The following CLCN7 variants were observed in gnomAD, a reference collection of about 807,000 sequenced individuals.
The protein encoded by CLCN7 is Cl-/H+ antiporter 7.
Under a neutral mutation model 102.1 loss-of-function variants are expected in CLCN7, and 60 were observed. The observed-to-expected ratio is 0.59, with a 90% CI of 0.48 to 0.73. The LOEUF is 0.73. Ranked by LOEUF, CLCN7 falls within the 30% of genes least tolerant of loss-of-function variation. CLCN7 has a pLI of 0.00. For synonymous variants in CLCN7, 560 were observed against 490.5 expected (o/e 1.14, Z -1.87); for missense variants, 962 against 1,125.7 (o/e 0.85, Z 2.08).
rs1339979454 is a variant in CLCN7 at position 1,446,685 on chromosome 16, G to A, written c.2364C>T (p.Ala788=). ...AGCCTCTCTTTCCCAGGCGGTACCTGGCGAGGTCCTTCCTGGTCACCAACC... is the reference window on the plus strand; with the variant it reads ...AGCCTCTCTTTCCCAGGCGGTACCTAGCGAGGTCCTTCCTGGTCACCAACC... ...VVGLVTRKDL[A]RYRLGKRGLE... Residue 788 remains alanine (A), a synonymous_variant, in exon 25 of 25, where the codon GCC becomes GCT. Coordinates refer to ENST00000382745, the MANE Select transcript of CLCN7 (RefSeq NM_001287.6). 2 of 1,590,606 alleles carry A rather than the reference G, an allele frequency of 1.3e-6. No homozygotes were observed. The highest frequency in any genetic ancestry group is 1.7e-5 in the Admixed American group (1 of 57,938).
rs34158222 is a variant in CLCN7 at position 1,455,369 on chromosome 16, G to A, written c.982-119C>T. On this transcript the variant is annotated intron_variant, in intron 11 of 24. Transcript: ENST00000382745. ...CCGGGGCCAGGAGTCTGCAGACCCC[G>A]CCCAAGGCAGAAGGGAAGGGGCTGG... 0.083 allele frequency: 66,006 copies of A among 792,098 alleles called. 3,260 individuals carry two copies. Among genetic ancestry groups the A allele is most frequent in the African/African-American group, 0.12 (7,063 of 59,386 alleles). 49.1% of individuals were successfully genotyped at this position (792,098 alleles called of 1,614,324 possible).
Position 1,474,878 on chromosome 16 carries a change from C to A in CLCN7, c.97G>T (p.Gly33Trp), listed in dbSNP as rs1360681293. Residue 33 changes from glycine to tryptophan, a missense_variant, in exon 1 of 25, where the codon GGG (glycine) becomes TGG (tryptophan). By Grantham distance (184) the Gly-to-Trp change is radical. This residue lies in a region of CLCN7 where 163 missense variants were observed against 137.7 expected (regional missense o/e 1.18). Coordinates refer to ENST00000382745, the MANE Select transcript of CLCN7 (RefSeq NM_001287.6). ...CCAGCCCCGTTCAGCAGCGGCGTCC[C>A]CCCGCCGGGCCGCGCCGTCCTCCGC... is the stretch of plus-strand genomic sequence containing the variant. ...LLRRTARPGG[G>W]TPLLNGAGPG... 2.8e-5 allele frequency: 41 copies of A among 1,446,480 alleles called. No individual in the cohort carries two copies. Among genetic ancestry groups the A allele is most frequent in the Non-Finnish European group, 3.4e-5 (38 of 1,101,888 alleles). 89.6% of individuals were successfully genotyped at this position (1,446,480 alleles called of 1,614,324 possible).
Position 1,463,701 on chromosome 16 carries a change from C to A in CLCN7, c.213+1566G>T, listed in dbSNP as rs565452265. Among the ~76,000 whole-genome samples, 15 of 151,904 alleles carry A rather than the reference C, an allele frequency of 9.9e-5. 2 individuals carry two copies. In the South Asian group the frequency reaches 3.1e-3, roughly 32 times the overall value. On this transcript the variant is annotated intron_variant, in intron 2 of 24. Coordinates refer to ENST00000382745, the MANE Select transcript of CLCN7 (RefSeq NM_001287.6). ...GTCTCACTGTGTTGTCTAGGCTGAT[C>A]TCCAAATCCTGGGCTGCAGCCTTGG... is the stretch of plus-strand genomic sequence containing the variant.
chr16:1,467,904 G>C (rs1253996385), intron 1 of CLCN7: 1 of 152,228 alleles, frequency 6.6e-6, no homozygotes, highest in African/African-American at 2.4e-5. Flanking sequence ...GGACAACGTA[G>C]TGAGACCCTG....
At chr16:1,452,397 C>T (rs911590498) in intron 15 of CLCN7, 25 of 329,042 alleles carry the variant, frequency 7.6e-5, no homozygotes, top group African/African-American at 4.4e-4. Context: ...GGCGGTGAGC[C>T]GTGAGCGCCA....
intron 1 of CLCN7, among the ~76,000 whole-genome samples, chr16:1,470,466 C>G (rs909837275): frequency 1.3e-5 from 2 of 152,164 alleles, no homozygotes; most frequent in Non-Finnish European, 1.5e-5. Flanking sequence ...GCAGCTGCCC[C>G]GCGGGGGGAT....
Position 1,449,411 on chromosome 16 carries a change from A to G in CLCN7, c.1618-84T>C, listed in dbSNP as rs531654957. The G allele has an allele frequency of 5.7e-5, 76 of 1,330,372 alleles. 1 individual carries two copies. The highest frequency in any genetic ancestry group is 5.0e-4 in the East Asian group (20 of 40,008). 82.4% of individuals were successfully genotyped at this position (1,330,372 alleles called of 1,614,324 possible). ...TACACAGACGGAGGAGGCCCTGCCC[A>G]GGCCCAGCAGCCCCACAGCCAGGAA... On this transcript the variant is annotated intron_variant, in intron 17 of 24. Transcript: ENST00000382745.
At chr16:1,454,327 A>C in intron 13 of CLCN7, 84 bp downstream of exon 13, 1 of 1,415,146 alleles carries the variant, frequency 7.1e-7, no homozygotes, top group Non-Finnish European at 1.0e-6. Context: ...AGGGAGCCAC[A>C]GCCTCCAGTC....
chr16:1,470,867 T>C (rs986635921), intron 1 of CLCN7, among the ~76,000 whole-genome samples: 2 of 152,186 alleles, frequency 1.3e-5, no homozygotes, highest in African/African-American at 2.4e-5. Flanking sequence ...CAAGGTCTTA[T>C]GTGGAGTGTC....
rs2038736095 is a variant in CLCN7 at position 1,450,768 on chromosome 16, G to T, written c.1448-102C>A. The T allele has an allele frequency of 6.7e-6, 7 of 1,050,106 alleles. No homozygotes were observed. In the Admixed American group the frequency reaches 1.9e-4, roughly 29 times the overall value. 65.0% of individuals were successfully genotyped at this position (1,050,106 alleles called of 1,614,324 possible). ...CGGGCCTCACAGTCACCTTCCAGGA[G>T]CCCAGCAACCTGAGCTCCCGAGCCC... On this transcript the variant is annotated intron_variant, in intron 16 of 24. Transcript: ENST00000382745.
chr16:1,474,048 C>T, intron 1 of CLCN7: 1 of 433,122 alleles, frequency 2.3e-6, no homozygotes, highest in Non-Finnish European at 4.6e-6. Flanking sequence ...CGCGCCATTG[C>T]ACTCCAGCCT....
In CLCN7 at chr16:1,447,442, T is replaced by G; in HGVS notation, c.2200A>C (p.Thr734Pro). 1 of 1,552,190 alleles carries G rather than the reference T, an allele frequency of 6.4e-7. No individual in the cohort carries two copies. Among genetic ancestry groups the G allele is most frequent in the East Asian group, 2.4e-5 (1 of 41,050 alleles). ...IHVSQDEREC[T>P]MDLSEFMNPS... is the part of the protein sequence containing the mutation. ...TTCATGAACTCGGAGAGGTCCATGG[T>G]GCACTCCCGCTCGTCCTGGGACACG... The change falls in exon 23 of 25, where the codon ACC (threonine) becomes CCC (proline). Residue 734 changes from threonine to proline, a missense_variant. Physicochemically the swap from Thr to Pro is conservative, Grantham distance 38. Coordinates refer to ENST00000382745, the MANE Select transcript of CLCN7 (RefSeq NM_001287.6).
chr16:1,446,388 G>A lies in CLCN7; in HGVS notation c.*243C>T, dbSNP rs1183066370. ...TGATCCCTGGAGGTAAAGAAACCTA[G>A]ACGAGGAGAGTGGAGGCTGGGCCTG... is the stretch of plus-strand genomic sequence containing the variant. On this transcript the variant is annotated 3_prime_UTR_variant, in exon 25 of 25. Transcript: ENST00000382745. 8.5e-6 allele frequency: 6 copies of A among 702,400 alleles called. No individual in the cohort carries two copies. The highest frequency in any genetic ancestry group is 8.0e-5 in the Admixed American group (4 of 50,012). 43.5% of individuals were successfully genotyped at this position (702,400 alleles called of 1,614,324 possible).
chr16:1,459,126 G>T lies in CLCN7; in HGVS notation c.656C>A (p.Pro219His). Residue 219 changes from proline to histidine, a missense_variant, in exon 7 of 25, where the codon CCC (proline) becomes CAC (histidine). Around this residue, in one of 2 missense-constraint regions of CLCN7, gnomAD observed 799 missense variants for 988.0 expected, o/e 0.81. Transcript: ENST00000382745. Reference protein sequence around the residue: ...IKCFLNGVKIPHVVRLKTLVI... With the variant: ...IKCFLNGVKIHHVVRLKTLVI... ...CCTCACCTTGAGCCGCACCACGTGG[G>T]GGATCTTCACCCCGTTGAGGAAGCA... The T allele has an allele frequency of 6.2e-7, 1 of 1,612,362 alleles. No individual in the cohort carries two copies. Among genetic ancestry groups the T allele is most frequent in the Non-Finnish European group, 8.5e-7 (1 of 1,179,174 alleles).
At chr16:1,450,342 C>T (rs952184154) in intron 17 of CLCN7, 155 bp downstream of exon 17, 43 of 765,858 alleles carry the variant, frequency 5.6e-5, no homozygotes, top group African/African-American at 5.3e-4. Context: ...ACAACGCCCA[C>T]GGCCCGTGAA....
intron 9 of CLCN7, among the ~76,000 whole-genome samples, chr16:1,456,740 C>T (rs1281338076): frequency 6.6e-6 from 1 of 151,758 alleles, no homozygotes; most frequent in South Asian, 2.1e-4. Context: ...ACTCGGGATG[C>T]TGAGGCAGGA....
intron 9 of CLCN7, among the ~76,000 whole-genome samples, chr16:1,456,704 G>A (rs969595135): frequency 6.6e-5 from 10 of 152,088 alleles, no homozygotes; most frequent in African/African-American, 2.4e-4. Context: ...AGCCAGGCGT[G>A]GTGGCGGGCA....
chr16:1,451,702 A>T lies in CLCN7; in HGVS notation c.1368T>A (p.Asp456Glu), dbSNP rs557270746. The T allele has an allele frequency of 3.1e-6, 5 of 1,612,684 alleles. No homozygotes were observed. The South Asian group carries it at 5.5e-5, about 18-fold the overall frequency. The change falls in exon 16 of 25, where the codon GAT becomes GAA. Residue 456 changes from aspartate to glutamate, a missense_variant. Asp to Glu is a conservative substitution (Grantham distance 45, BLOSUM62 2). Transcript: ENST00000382745. ...MSYPLQLFCADGEYNSMAAAF... is the reference protein window; with the variant it reads ...MSYPLQLFCAEGEYNSMAAAF... ...CCGCAGCCATGGAGTTGTACTCGCC[A>T]TCTGCACAAAAGAGCTGTGGGGTCG...
At chr16:1,447,116 GC>G in intron 23 of CLCN7, 30 bp from the exon 24 acceptor site, 4 of 1,562,538 alleles carry the variant, frequency 2.6e-6, no homozygotes, top group Non-Finnish European at 3.5e-6. Flanking sequence ...GTCAGTGCCC[GC>G]CCACACAGCA....
Sources: gnomAD v4.1 joint callset for allele counts (sites outside exome capture counted in the v4.1 genomes callset) on GRCh38, gnomAD v4.1.1 for gene constraint, gnomAD v4.1.1 regional missense constraint, MANE v1.5 for transcripts, NCBI Gene and HGNC (gene_info 2026-07-23, HGNC 2026-07-21) for gene names.